ATXN7: variants seen among roughly 807,000 people sequenced by gnomAD.
ATXN7 encodes ataxin 7.
Under a neutral mutation model 70.5 loss-of-function variants are expected in ATXN7, and 12 were observed. The ratio of observed to expected loss-of-function variants is 0.17; its 90% CI spans 0.11 to 0.28. The LOEUF is 0.28. Among genes scored for constraint, ATXN7 ranks in the 10% least tolerant of loss-of-function variants. The pLI is 1.00. For missense variants in ATXN7, 1,256 were observed against 1,131.7 expected (o/e 1.11, Z -1.58); for synonymous variants, 498 against 448.7 (o/e 1.11, Z -1.39).
chr3:63,931,690 C>G (rs574494866), intron 4 of ATXN7, among the ~76,000 whole-genome samples: 5 of 152,190 alleles, frequency 3.3e-5, no homozygotes, highest in South Asian at 4.1e-4. Context: ...AGGTGATCTC[C>G]TTTGTCTCCA....
intron 9 of ATXN7, chr3:63,988,534 C>G (rs558900131): frequency 8.1e-6 from 5 of 618,798 alleles, no homozygotes; most frequent in Non-Finnish European, 1.4e-5. Flanking sequence ...ATGCAAGCAG[C>G]AAAATAAAGC....
At chr3:63,995,105 A>G (rs2075734126) in intron 11 of ATXN7, among the ~76,000 whole-genome samples, 1 of 152,148 alleles carries the variant, frequency 6.6e-6, no homozygotes, top group Non-Finnish European at 1.5e-5. Context: ...CACAACGGTA[A>G]TTAAGCTGGG....
intron 5 of ATXN7, among the ~76,000 whole-genome samples, chr3:63,959,374 C>T (rs561982425): frequency 1.3e-5 from 2 of 152,248 alleles, no homozygotes; most frequent in South Asian, 4.1e-4. Context: ...GGGAGCTAAC[C>T]AAAACAGGCA....
At chr3:63,881,511 C>T (rs548070226) in intron 1 of ATXN7, among the ~76,000 whole-genome samples, 4 of 128,928 alleles carry the variant, frequency 3.1e-5, no homozygotes, top group African/African-American at 2.9e-5. Context: ...TTTTTTGAGA[C>T]GGAGTCTCGC....
chr3:63,904,608 A>C (rs1048719552), intron 2 of ATXN7: 1 of 152,162 alleles, frequency 6.6e-6, no homozygotes, highest in African/African-American at 2.4e-5. Context: ...TTCTTTGTAG[A>C]GATATATCAC....
rs1229033495 is a variant in ATXN7, at chr3:63,947,993, C to T, written c.395-4386C>T. ...GGGAGCCAGGGTAAGGGCTGGAGTT[C>T]TATTCCAAGAGGAGTAGAAAGCCAC... On this transcript the variant is annotated intron_variant, in intron 4 of 12. Coordinates refer to ENST00000674280, the MANE Select transcript of ATXN7 (RefSeq NM_001377405.1). Among the ~76,000 whole-genome samples the T allele has an allele frequency of 5.9e-5, 9 of 152,194 alleles. No homozygotes were observed. In the East Asian group the frequency reaches 1.7e-3, roughly 30 times the overall value.
intron 4 of ATXN7, among the ~76,000 whole-genome samples, chr3:63,950,071 T>C (rs1393675192): frequency 1.3e-5 from 2 of 152,124 alleles, no homozygotes; most frequent in Non-Finnish European, 2.9e-5. Flanking sequence ...ATTGAGGAAA[T>C]AGAAATTTTT....
intron 8 of ATXN7, 140 bp downstream of exon 8, chr3:63,983,161 T>C (rs998421474): frequency 1.0e-5 from 7 of 684,788 alleles, no homozygotes; most frequent in African/African-American, 7.2e-5. Context: ...AAGGAATAAC[T>C]TGGTTCTGTT....
chr3:63,928,518 T>G (rs2107334133), intron 4 of ATXN7, among the ~76,000 whole-genome samples: 1 of 152,342 alleles, frequency 6.6e-6, no homozygotes, highest in African/African-American at 2.4e-5. Flanking sequence ...GTAGCTCTCA[T>G]TCTTTGAGCA....
chr3:63,944,853 G>A (rs1445859999), intron 4 of ATXN7, among the ~76,000 whole-genome samples: 2 of 151,992 alleles, frequency 1.3e-5, no homozygotes, highest in Non-Finnish European at 2.9e-5. Flanking sequence ...GTGCAGTGGC[G>A]CAGTCTCAGC....
At chr3:63,990,663 C>G (rs1242627679) in intron 10 of ATXN7, 75 bp from the exon 11 acceptor site, 1 of 1,606,246 alleles carries the variant, frequency 6.2e-7, no homozygotes, top group African/African-American at 1.3e-5. Flanking sequence ...AGCTCCTTTC[C>G]TGAAGGATCT....
intron 1 of ATXN7, among the ~76,000 whole-genome samples, chr3:63,869,136 G>C (rs539844358): frequency 6.6e-6 from 1 of 152,072 alleles, no homozygotes. Flanking sequence ...TCATTTATTC[G>C]TGGTGATCAT....
intron 6 of ATXN7, 95 bp downstream of exon 6, chr3:63,980,262 G>C (rs1241443024): frequency 4.1e-6 from 6 of 1,476,616 alleles, no homozygotes; most frequent in Non-Finnish European, 4.6e-6. Context: ...TAATATAAAA[G>C]AGAGTCTACT....
At chr3:63,990,898 C>T in intron 11 of ATXN7, 39 bp downstream of exon 11, 2 of 1,614,058 alleles carry the variant, frequency 1.2e-6, no homozygotes, top group Middle Eastern at 1.6e-4. Context: ...GCTGACTTTA[C>T]ACAGTGCTGC....
intron 5 of ATXN7, among the ~76,000 whole-genome samples, chr3:63,971,559 G>A (rs893053417): frequency 1.3e-5 from 2 of 152,136 alleles, no homozygotes; most frequent in African/African-American, 4.8e-5. Flanking sequence ...GGGAAAAGTT[G>A]ACAACAATGA....
chr3:63,998,362 A>G, intron 12 of ATXN7: 10 of 985,214 alleles, frequency 1.0e-5, no homozygotes, highest in Non-Finnish European at 1.2e-5. Context: ...GTGTGTGTAT[A>G]TATATATGTA....
At chr3:63,997,515 C>A (rs948999136) in intron 12 of ATXN7, 19 of 916,548 alleles carry the variant, frequency 2.1e-5, no homozygotes, top group Admixed American at 7.2e-5. Context: ...ATTTTTGTCT[C>A]GTCCCAGCTC....
intron 1 of ATXN7, among the ~76,000 whole-genome samples, chr3:63,879,487 GTTTT>G (rs200065951): frequency 0.11 from 14,997 of 135,352 alleles, 910 homozygotes; most frequent in Admixed American, 0.16. Context: ...TATCTCTTCA[GTTTT>G]TTTTTTTTTT....
chr3:63,894,535 T>A (rs987329549), intron 1 of ATXN7, among the ~76,000 whole-genome samples: 1 of 152,170 alleles, frequency 6.6e-6, no homozygotes, highest in South Asian at 2.1e-4. Context: ...TGTTTTGTTT[T>A]GTTTTTGAGT....
Sources: allele counts gnomAD v4.1 joint callset (sites outside exome capture counted in the v4.1 genomes callset), GRCh38; gene constraint gnomAD v4.1.1; transcripts MANE v1.5; gene names NCBI Gene and HGNC (gene_info 2026-07-23, HGNC 2026-07-21).